GPC6: variants seen among roughly 807,000 people sequenced by gnomAD.
The protein encoded by GPC6 is glypican 6.
In GPC6, 14 loss-of-function variants were observed where a neutral mutation model predicts 55.2. That is an observed-to-expected ratio of 0.25 (90% confidence interval 0.17 to 0.40). GPC6 has a LOEUF of 0.40. Ranked by LOEUF, GPC6 falls within the 10% of genes least tolerant of loss-of-function variation. The pLI is 1.00. For synonymous variants in GPC6, 278 were observed against 259.6 expected (o/e 1.07, Z -0.68); for missense variants, 641 against 708.5 (o/e 0.90, Z 1.08).
intron 3 of GPC6, among the ~76,000 whole-genome samples, chr13:93,969,436 C>T (rs1429034416): frequency 6.6e-6 from 1 of 152,086 alleles, no homozygotes; most frequent in Non-Finnish European, 1.5e-5. Context: ...CCAGGGATGC[C>T]TAAGCAGACA....
intron 3 of GPC6, among the ~76,000 whole-genome samples, chr13:93,842,754 T>C (rs940717224): frequency 2.6e-5 from 4 of 152,100 alleles, no homozygotes; most frequent in Non-Finnish European, 5.9e-5. Flanking sequence ...TTATTTTTTG[T>C]TGGTGGTAAG....
chr13:93,268,444 A>G (rs1877399014), intron 1 of GPC6, among the ~76,000 whole-genome samples: 1 of 152,232 alleles, frequency 6.6e-6, no homozygotes, highest in South Asian at 2.1e-4. Flanking sequence ...GAGAAAAGCT[A>G]CAGAATGTGA....
chr13:94,094,707 A>G (rs1366967259), intron 4 of GPC6, among the ~76,000 whole-genome samples: 1 of 152,182 alleles, frequency 6.6e-6, no homozygotes, highest in African/African-American at 2.4e-5. Context: ...ATTGTGAACC[A>G]GGAAGTTCAT....
At chr13:93,764,045 T>A (rs1885036204) in intron 2 of GPC6, among the ~76,000 whole-genome samples, 1 of 152,096 alleles carries the variant, frequency 6.6e-6, no homozygotes, top group South Asian at 2.1e-4. Flanking sequence ...CCTCAATAGG[T>A]ACCTCCCTGC....
chr13:93,552,390 G>A (rs559538393), intron 2 of GPC6, among the ~76,000 whole-genome samples: 1 of 152,052 alleles, frequency 6.6e-6, no homozygotes, highest in East Asian at 1.9e-4. Context: ...CTTTAAATGT[G>A]GTGCATGTAG....
At chr13:93,505,440 C>T (rs1032673908) in intron 1 of GPC6, among the ~76,000 whole-genome samples, 2 of 152,084 alleles carry the variant, frequency 1.3e-5, no homozygotes, top group Admixed American at 1.3e-4. Flanking sequence ...TGCACACACA[C>T]ACACACACAC....
At chr13:94,043,547 CATTTTGTGTGTAT>C (rs997599800) in intron 4 of GPC6, among the ~76,000 whole-genome samples, 12 of 151,756 alleles carry the variant, frequency 7.9e-5, no homozygotes, top group Admixed American at 6.6e-4. Context: ...CTATATACTT[CATTTTGTGTGTAT>C]ATTTTGTGTG....
At chr13:93,513,889 TTTTTTC>T (rs1398942895) in intron 1 of GPC6, among the ~76,000 whole-genome samples, 1 of 148,028 alleles carries the variant, frequency 6.8e-6, no homozygotes, top group East Asian at 2.0e-4. Flanking sequence ...TTTTTTTTTT[TTTTTTC>T]GGTGTTTCAC....
At chr13:93,553,609 C>T (rs185995234) in intron 2 of GPC6, among the ~76,000 whole-genome samples, 4 of 146,890 alleles carry the variant, frequency 2.7e-5, no homozygotes, top group East Asian at 4.3e-4. Context: ...GCAGGAGAAT[C>T]GCTTGTACCC....
chr13:94,289,089 C>A (rs1401580128), intron 5 of GPC6, among the ~76,000 whole-genome samples: 4 of 150,374 alleles, frequency 2.7e-5, no homozygotes, highest in African/African-American at 9.8e-5. Context: ...CAGCCCAGCA[C>A]TTGGCACATA....
At chr13:93,828,738 G>A (rs1157028029) in intron 2 of GPC6, among the ~76,000 whole-genome samples, 2 of 152,022 alleles carry the variant, frequency 1.3e-5, no homozygotes, top group Non-Finnish European at 1.5e-5. Context: ...TTCATAGAAA[G>A]GAGGTAAACA....
chr13:93,312,199 A>G (rs571730578), intron 1 of GPC6, among the ~76,000 whole-genome samples: 27 of 152,138 alleles, frequency 1.8e-4, no homozygotes, highest in African/African-American at 6.3e-4. Flanking sequence ...CTGATAAATT[A>G]TCTCTTTTGT....
intron 3 of GPC6, among the ~76,000 whole-genome samples, chr13:93,912,518 C>T (rs994768701): frequency 3.2e-4 from 48 of 152,134 alleles, no homozygotes; most frequent in East Asian, 1.2e-3. Context: ...CCAAGGCGGG[C>T]GGATCACAAG....
chr13:94,343,978 G>A (rs747321910), intron 6 of GPC6, among the ~76,000 whole-genome samples: 7 of 152,152 alleles, frequency 4.6e-5, no homozygotes, highest in Middle Eastern at 6.8e-3. Context: ...TGAGCCTCCC[G>A]CCTCAGCCTC....
At position 94,197,855 on chromosome 13, in the gene GPC6, C is replaced by A. The variant is rs1405327073; in HGVS notation, c.878-88494C>A. Among the ~76,000 whole-genome samples, 3 of 151,710 alleles carry A rather than the reference C, an allele frequency of 2.0e-5. No individual in the cohort carries two copies. The South Asian group carries it at 6.3e-4, about 32-fold the overall frequency. The stretch of plus-strand genomic sequence containing the variant: ...ATGAATAAACAATTTTACCAAGAAA[C>A]GTAACACTTTAGCAGTGTTAAAAAA... On this transcript the variant is annotated intron_variant, in intron 4 of 8. Coordinates refer to ENST00000377047, the MANE Select transcript of GPC6 (RefSeq NM_005708.5).
At chr13:94,337,243 T>C (rs1468712407) in intron 6 of GPC6, among the ~76,000 whole-genome samples, 1 of 152,146 alleles carries the variant, frequency 6.6e-6, no homozygotes, top group Non-Finnish European at 1.5e-5. Flanking sequence ...GGCAGGGATT[T>C]TCATGTATTG....
chr13:93,295,905 G>A (rs1484732812), intron 1 of GPC6, among the ~76,000 whole-genome samples: 4 of 151,994 alleles, frequency 2.6e-5, no homozygotes, highest in Non-Finnish European at 5.9e-5. Flanking sequence ...TAGAGATGGA[G>A]TTTTACCATG....
At position 93,585,212 on chromosome 13, in the gene GPC6, G is replaced by A. The variant is rs528086008; in HGVS notation, c.319+39791G>A. ...GGTGCTCAAAATCAAATCACGAACAGAAATTGACAATTGCTTTTCAGCTTT... is the reference window on the plus strand; with the variant it reads ...GGTGCTCAAAATCAAATCACGAACAAAAATTGACAATTGCTTTTCAGCTTT... On this transcript the variant is annotated intron_variant, in intron 2 of 8. Transcript: ENST00000377047. Among the ~76,000 whole-genome samples, 3 of 152,202 alleles carry A rather than the reference G, an allele frequency of 2.0e-5. No homozygotes were observed. The East Asian group carries it at 5.8e-4, about 29-fold the overall frequency.
chr13:93,476,147 A>G (rs902158760), intron 1 of GPC6, among the ~76,000 whole-genome samples: 1 of 152,190 alleles, frequency 6.6e-6, no homozygotes, highest in African/African-American at 2.4e-5. Context: ...ACAGCATGAG[A>G]AGTCAGCAGC....
Sources: allele counts gnomAD v4.1 joint callset (sites outside exome capture counted in the v4.1 genomes callset), GRCh38; gene constraint gnomAD v4.1.1; transcripts MANE v1.5; gene names NCBI Gene and HGNC (gene_info 2026-07-23, HGNC 2026-07-21).